IMMP2L: variants seen among roughly 807,000 people sequenced by gnomAD.
IMMP2L encodes inner mitochondrial membrane peptidase subunit 2, also known as mitochondrial inner membrane protease subunit 2.
A neutral mutation model predicts 19.3 loss-of-function variants in IMMP2L; 18 were observed. The ratio of observed to expected loss-of-function variants is 0.93; its 90% CI spans 0.64 to 1.38. The LOEUF is 1.38. IMMP2L is among the 40% of genes most tolerant of loss of function. The pLI is 0.00. For missense variants in IMMP2L, 233 were observed against 218.2 expected, an observed-to-expected ratio of 1.07 and a Z score of -0.43; for synonymous variants, 76 against 73.0, an observed-to-expected ratio of 1.04 and a Z score of -0.21.
At chr7:111,149,678 G>T (rs979982308) in intron 3 of IMMP2L, among the ~76,000 whole-genome samples, 1 of 151,992 alleles carries the variant, frequency 6.6e-6, no homozygotes, top group Non-Finnish European at 1.5e-5. Flanking sequence ...AAAAATCCAC[G>T]TACAGACGGA....
chr7:111,313,201 A>G (rs1227742824), intron 3 of IMMP2L, among the ~76,000 whole-genome samples: 2 of 152,142 alleles, frequency 1.3e-5, no homozygotes, highest in Non-Finnish European at 2.9e-5. Flanking sequence ...GGTCACCTTC[A>G]GTATCCTCTT....
intron 3 of IMMP2L, among the ~76,000 whole-genome samples, chr7:111,356,992 G>A (rs1828775464): frequency 1.3e-5 from 2 of 152,104 alleles, no homozygotes; most frequent in South Asian, 4.1e-4. Flanking sequence ...TTGCACTCCA[G>A]CCTGGGCAAC....
At chr7:110,707,017 T>TTTA (rs1554399165) in intron 5 of IMMP2L, among the ~76,000 whole-genome samples, 15 of 137,576 alleles carry the variant, frequency 1.1e-4, no homozygotes, top group African/African-American at 2.7e-4. Flanking sequence ...TTTTTTTTTT[T>TTTA]ATTATACTCT....
chr7:110,911,359 T>G (rs1813039652), intron 4 of IMMP2L, among the ~76,000 whole-genome samples: 1 of 152,146 alleles, frequency 6.6e-6, no homozygotes, highest in African/African-American at 2.4e-5. Context: ...TAATTTATGC[T>G]AAAATTGCCT....
chr7:110,680,127 G>C (rs1792605751), intron 5 of IMMP2L, among the ~76,000 whole-genome samples: 1 of 152,158 alleles, frequency 6.6e-6, no homozygotes, highest in African/African-American at 2.4e-5. Flanking sequence ...AAGGTGACTT[G>C]GTCTTCTATG....
chr7:111,076,674 C>G (rs541975209), intron 3 of IMMP2L, among the ~76,000 whole-genome samples: 1 of 152,256 alleles, frequency 6.6e-6, no homozygotes, highest in Non-Finnish European at 1.5e-5. Flanking sequence ...CCTCTGTCCA[C>G]ATAATAGTGT....
intron 5 of IMMP2L, among the ~76,000 whole-genome samples, chr7:110,722,053 G>A (rs1259575765): frequency 1.3e-5 from 2 of 151,948 alleles, no homozygotes; most frequent in Non-Finnish European, 2.9e-5. Flanking sequence ...CATTTGAGCT[G>A]GCATTTAAAA....
intron 1 of IMMP2L, among the ~76,000 whole-genome samples, chr7:111,560,427 C>T (rs540217643): frequency 6.6e-6 from 1 of 152,072 alleles, no homozygotes; most frequent in Non-Finnish European, 1.5e-5. Context: ...TCTTATGGAA[C>T]AACTACAAAA....
chr7:111,215,047 ATACTT>A (rs1275256372), intron 3 of IMMP2L, among the ~76,000 whole-genome samples: 14 of 152,312 alleles, frequency 9.2e-5, no homozygotes, highest in Admixed American at 2.0e-4. Flanking sequence ...CGCAATCTAC[ATACTT>A]TAAACTGTGA....
At chr7:111,366,347 A>G (rs1829760158) in intron 3 of IMMP2L, among the ~76,000 whole-genome samples, 1 of 151,482 alleles carries the variant, frequency 6.6e-6, no homozygotes. Context: ...AAAGAAAGAA[A>G]AAAAAAAAAA....
At chr7:111,027,268 CTT>C (rs1826933364) in intron 3 of IMMP2L, among the ~76,000 whole-genome samples, 1 of 152,208 alleles carries the variant, frequency 6.6e-6, no homozygotes, top group East Asian at 1.9e-4. Context: ...GCTGAATTCT[CTT>C]GAGGGTCTAG....
intron 4 of IMMP2L, among the ~76,000 whole-genome samples, chr7:110,917,308 C>A (rs909494029): frequency 6.6e-6 from 1 of 152,152 alleles, no homozygotes; most frequent in Non-Finnish European, 1.5e-5. Flanking sequence ...TTTAAGCCAA[C>A]AAGTTTGTGG....
intron 2 of IMMP2L, among the ~76,000 whole-genome samples, chr7:111,504,337 G>T (rs1193159597): frequency 6.6e-6 from 1 of 152,092 alleles, no homozygotes; most frequent in Non-Finnish European, 1.5e-5. Context: ...TAAACAAATG[G>T]AAGGGCATTC....
chr7:111,310,287 T>A (rs1399787728), intron 3 of IMMP2L, among the ~76,000 whole-genome samples: 1 of 150,886 alleles, frequency 6.6e-6, no homozygotes, highest in Non-Finnish European at 1.5e-5. Flanking sequence ...TTTTTTTTTT[T>A]AATTCTGAGA....
At chr7:111,472,973 A>C (rs1841397761) in intron 3 of IMMP2L, among the ~76,000 whole-genome samples, 1 of 152,122 alleles carries the variant, frequency 6.6e-6, no homozygotes, top group Admixed American at 6.5e-5. Flanking sequence ...AAAATGCAAA[A>C]TAGTGCTGAT....
chr7:110,905,722 T>C (rs768835812), intron 4 of IMMP2L, among the ~76,000 whole-genome samples: 3 of 152,204 alleles, frequency 2.0e-5, no homozygotes, highest in Non-Finnish European at 4.4e-5. Flanking sequence ...ATGTCACATA[T>C]GGTACCATAC....
chr7:111,471,515 A>G (rs759304535), intron 3 of IMMP2L, among the ~76,000 whole-genome samples: 2 of 152,140 alleles, frequency 1.3e-5, no homozygotes, highest in Non-Finnish European at 2.9e-5. Context: ...GAGATGTGCC[A>G]AATGAAACCA....
intron 3 of IMMP2L, among the ~76,000 whole-genome samples, chr7:111,171,484 T>G (rs1806445948): frequency 6.6e-6 from 1 of 151,654 alleles, no homozygotes; most frequent in South Asian, 2.1e-4. Flanking sequence ...GGGAACAACC[T>G]GTATAATATA....
At position 110,870,539 on chromosome 7, in the gene IMMP2L, C is replaced by T. The variant is rs911181735; in HGVS notation, c.408+16054G>A. 6.6e-6 allele frequency among the ~76,000 whole-genome samples: 1 copy of T among 151,966 alleles called. No homozygotes were observed. The highest frequency in any genetic ancestry group is 2.4e-5 in the African/African-American group (1 of 41,382). Reference sequence around the variant, plus strand: ...ACAAGATAGTCATAGTAGCTAGAAGCAGGTGTGTGTGAGTGTGTGTGTGTG... The same window carrying T: ...ACAAGATAGTCATAGTAGCTAGAAGTAGGTGTGTGTGAGTGTGTGTGTGTG... On this transcript the variant is annotated intron_variant, in intron 5 of 5. Transcript: ENST00000405709. This position sits in a 1 kb window ranked among gnomAD's most constrained non-coding sequence, Gnocchi z 4.2.
Sources: gnomAD v4.1 joint callset for allele counts (sites outside exome capture counted in the v4.1 genomes callset) on GRCh38, gnomAD v4.1.1 for gene constraint, Gnocchi (gnomAD v3.1) non-coding constraint, MANE v1.5 for transcripts, NCBI Gene and HGNC (gene_info 2026-07-23, HGNC 2026-07-21) for gene names.